PRDM10: variants seen among roughly 807,000 people sequenced by gnomAD.
The protein encoded by PRDM10 is PR domain zinc finger protein 10.
In PRDM10, 65 loss-of-function variants were observed where a neutral mutation model predicts 133.1. That is an observed-to-expected ratio of 0.49 (90% CI 0.40 to 0.60). The LOEUF is 0.60. PRDM10 is among the 20% of genes least tolerant of loss of function. The probability of loss-of-function intolerance (pLI) is 0.00; values close to 1 mark genes in which losing one functional copy is unlikely to be tolerated. For synonymous variants in PRDM10, 582 were observed against 580.4 expected (o/e 1.00, Z -0.04); for missense variants, 1,137 against 1,507.1 (o/e 0.75, Z 4.07).
At chr11:129,953,895 C>A (rs1951643007) in intron 4 of PRDM10, among the ~76,000 whole-genome samples, 1 of 145,340 alleles carries the variant, frequency 6.9e-6, no homozygotes, top group African/African-American at 2.5e-5. Context: ...ATAGTATATC[C>A]TAATATATAA....
At chr11:129,920,309 G>A (rs998158616) in intron 13 of PRDM10, among the ~76,000 whole-genome samples, 2 of 151,982 alleles carry the variant, frequency 1.3e-5, no homozygotes, top group Admixed American at 6.5e-5. Flanking sequence ...AACCAAATCC[G>A]CTATCTGCCC....
chr11:129,995,945 C>CA, intron 1 of PRDM10, among the ~76,000 whole-genome samples: 1 of 146,772 alleles, frequency 6.8e-6, no homozygotes, highest in East Asian at 2.3e-4. Context: ...GACTCTGTCT[C>CA]AAAAACAAAA....
intron 4 of PRDM10, among the ~76,000 whole-genome samples, chr11:129,955,151 A>AT (rs36078383): frequency 0.25 from 37,470 of 151,932 alleles, 7,259 homozygotes; most frequent in East Asian, 0.62. Flanking sequence ...TTAAGCAAGA[A>AT]TTTTTTTTCA....
Position 129,905,708 on chromosome 11 carries a change from C to A in PRDM10, c.3197G>T (p.Gly1066Val). 2 of 1,614,146 alleles carry A rather than the reference C, an allele frequency of 1.2e-6. No homozygotes were observed. The highest frequency in any genetic ancestry group is 1.7e-6 in the Non-Finnish European group (2 of 1,179,988). ...SEIQMMTLPP[G>V]QFVITDSGVA... ...ACCACTGTCTGTAATCACAAACTGA[C>A]CCGGAGGAAGCGTCATCATTTGAAT... The change falls in exon 20 of 21, where the codon GGT becomes GTT. Residue 1066 changes from glycine to valine, a missense_variant. Physicochemically the swap from Gly to Val is moderately radical, Grantham distance 109 (BLOSUM62 -3). Around this residue, in one of 6 missense-constraint regions of PRDM10, gnomAD observed 243 missense variants for 259.2 expected, o/e 0.94. Coordinates refer to ENST00000360871, the MANE Select transcript of PRDM10 (RefSeq NM_199437.2).
At chr11:129,991,356 A>G (rs1277014160) in intron 1 of PRDM10, among the ~76,000 whole-genome samples, 1 of 152,238 alleles carries the variant, frequency 6.6e-6, no homozygotes, top group Non-Finnish European at 1.5e-5. Flanking sequence ...GAAAATATGT[A>G]AAGTTCAACT....
At chr11:129,977,971 A>AGAAAGAAAG (rs11403181) in intron 1 of PRDM10, among the ~76,000 whole-genome samples, 1 of 150,708 alleles carries the variant, frequency 6.6e-6, no homozygotes, top group African/African-American at 2.5e-5. Context: ...TTTAAAAAAA[A>AGAAAGAAAG]AAAGAAAGAA....
intron 1 of PRDM10, among the ~76,000 whole-genome samples, chr11:129,972,059 G>T (rs1952041916): frequency 6.6e-6 from 1 of 152,244 alleles, no homozygotes; most frequent in South Asian, 2.1e-4. Flanking sequence ...GCAGCCACTG[G>T]CCCGGGTGCT....
chr11:129,972,777 C>T (rs990921602), intron 1 of PRDM10, among the ~76,000 whole-genome samples: 9 of 152,126 alleles, frequency 5.9e-5, no homozygotes, highest in Non-Finnish European at 7.4e-5. Flanking sequence ...CTTGACTGCC[C>T]GCTTAGAGAA....
At chr11:129,903,259 T>A (rs1354441960) in intron 20 of PRDM10, among the ~76,000 whole-genome samples, 1 of 150,612 alleles carries the variant, frequency 6.6e-6, no homozygotes, top group African/African-American at 2.4e-5. Context: ...GATCGTGCCA[T>A]TGCACTCAAG....
chr11:129,985,400 G>A (rs535066950), intron 1 of PRDM10, among the ~76,000 whole-genome samples: 151 of 152,046 alleles, frequency 9.9e-4, no homozygotes, highest in Non-Finnish European at 1.8e-3. Flanking sequence ...ACATGATCTC[G>A]TACAATACAA....
intron 8 of PRDM10, among the ~76,000 whole-genome samples, chr11:129,936,372 G>A (rs898469008): frequency 2.0e-5 from 3 of 151,578 alleles, no homozygotes; most frequent in South Asian, 4.2e-4. Flanking sequence ...GTCCTTTTTC[G>A]GCCGGGTGCA....
chr11:129,960,738 C>G (rs2135923577), intron 2 of PRDM10, among the ~76,000 whole-genome samples, 158 bp downstream of exon 2: 1 of 152,258 alleles, frequency 6.6e-6, no homozygotes, highest in Middle Eastern at 3.4e-3. Context: ...ATGGAGCATT[C>G]AAGGGGCCAA....
chr11:129,998,439 G>A (rs1017908393), intron 1 of PRDM10, among the ~76,000 whole-genome samples: 2 of 152,106 alleles, frequency 1.3e-5, no homozygotes, highest in Admixed American at 6.6e-5. Flanking sequence ...TGCAATAAAC[G>A]AGAGTTTAAC....
rs143126753 is a variant in PRDM10 at position 129,947,212 on chromosome 11, G to A, written c.453C>T (p.Asp151=). 4.7e-4 allele frequency: 762 copies of A among 1,614,142 alleles called. 4 individuals carry two copies. The South Asian group carries it at 5.1e-3, about 11-fold the overall frequency. ...DEDTEEDEEE[D]GEDTDLDDWE... ...AGTCATCCAGATCCGTGTCCTCACCGTCTTCTTCCTCATCTTCCTCAGTGT... is the reference window on the plus strand; with the variant it reads ...AGTCATCCAGATCCGTGTCCTCACCATCTTCTTCCTCATCTTCCTCAGTGT... The change falls in exon 5 of 21, where the codon GAC becomes GAT. Residue 151 remains aspartate (D), a synonymous_variant. Transcript: ENST00000360871. This position sits in a 1 kb window ranked among gnomAD's most constrained non-coding sequence, Gnocchi z 4.6.
At position 129,941,866 on chromosome 11, in the gene PRDM10, C is replaced by CTG. The variant is rs1367825605; in HGVS notation, c.966+558_966+559dup. Among the ~76,000 whole-genome samples the CTG allele has an allele frequency of 3.3e-5, 5 of 152,294 alleles. No homozygotes were observed. The East Asian group carries it at 9.6e-4, about 29-fold the overall frequency. The stretch of plus-strand genomic sequence containing the variant: ...TCAGTTTACAATATTTTCAGTTACA[C>CTG]TGGGGCTTATTGGGATCTAACTCCA... On this transcript the variant is annotated intron_variant, in intron 7 of 20. Coordinates refer to ENST00000360871, the MANE Select transcript of PRDM10 (RefSeq NM_199437.2).
intron 6 of PRDM10, 137 bp downstream of exon 6, chr11:129,944,634 T>C: frequency 7.6e-7 from 1 of 1,312,380 alleles, no homozygotes; most frequent in Non-Finnish European, 1.0e-6. Flanking sequence ...GAGTTTCCAT[T>C]TAACCAAGTT....
chr11:129,917,783 C>A (rs1227889919), intron 14 of PRDM10, among the ~76,000 whole-genome samples: 1 of 152,212 alleles, frequency 6.6e-6, no homozygotes, highest in Non-Finnish European at 1.5e-5. Context: ...CCTGCTTTGA[C>A]GGAAAGCTTC....
chr11:129,968,984 G>A (rs981409977), intron 1 of PRDM10, among the ~76,000 whole-genome samples: 1 of 152,166 alleles, frequency 6.6e-6, no homozygotes, highest in South Asian at 2.1e-4. Context: ...AAAAGGCTGG[G>A]TAGGGTGTAA....
intron 20 of PRDM10, 114 bp from the exon 21 acceptor site, chr11:129,902,630 T>C: frequency 1.4e-6 from 2 of 1,443,666 alleles, no homozygotes; most frequent in South Asian, 1.4e-5. Context: ...AATAGGCATC[T>C]ATGAGAGATG....
Sources: gnomAD v4.1 joint callset for allele counts (sites outside exome capture counted in the v4.1 genomes callset) on GRCh38, gnomAD v4.1.1 for gene constraint, gnomAD v4.1.1 regional missense constraint, Gnocchi (gnomAD v3.1) non-coding constraint, MANE v1.5 for transcripts, NCBI Gene and HGNC (gene_info 2026-07-23, HGNC 2026-07-21) for gene names.